Variants in RANBP2 observed in about 807,000 individuals in gnomAD.
RANBP2 encodes RAN binding protein 2.
A neutral mutation model predicts 303.6 loss-of-function variants in RANBP2; 57 were observed. The observed-to-expected ratio is 0.19, with a 90% CI of 0.15 to 0.23. The LOEUF (loss-of-function observed/expected upper bound fraction) is 0.23, where lower values mean the gene tolerates loss of function less well. Ranked by LOEUF, RANBP2 falls within the 10% of genes least tolerant of loss-of-function variation. RANBP2 has a pLI of 1.00. For missense variants in RANBP2, 3,138 were observed against 3,780.8 expected (o/e 0.83, Z 4.46); for synonymous variants, 1,167 against 1,301.5 (o/e 0.90, Z 2.23).
chr2:108,886,298 G>T, the RANBP2 span, among the ~76,000 whole-genome samples: 2 of 152,142 alleles, frequency 1.3e-5, no homozygotes, highest in Non-Finnish European at 2.9e-5. Flanking sequence ...TCTGACTGGG[G>T]TAAGATGATA....
intron 25 of RANBP2, among the ~76,000 whole-genome samples, chr2:108,777,449 A>G (rs1473209235): frequency 1.3e-5 from 2 of 152,168 alleles, no homozygotes; most frequent in Non-Finnish European, 2.9e-5. Context: ...CCATGCTGAT[A>G]GTCCTCCCCA....
chr2:109,324,946 A>T, the RANBP2 span, among the ~76,000 whole-genome samples: 1 of 152,208 alleles, frequency 6.6e-6, no homozygotes, highest in East Asian at 1.9e-4. Context: ...TACAGTAATG[A>T]CTAGTATAGA....
chr2:109,419,581 C>G, the RANBP2 span: 2 of 1,597,466 alleles, frequency 1.3e-6, no homozygotes. Context: ...GGCTGTCCCA[C>G]GGGCTGCCTC....
chr2:108,733,677 C>T (rs1246536050), intron 4 of RANBP2, among the ~76,000 whole-genome samples: 1 of 152,184 alleles, frequency 6.6e-6, no homozygotes, highest in Non-Finnish European at 1.5e-5. Flanking sequence ...TCAAACATAA[C>T]TCCCATATTG....
At chr2:109,440,799 C>A in the RANBP2 span, among the ~76,000 whole-genome samples, 23 of 152,240 alleles carry the variant, frequency 1.5e-4, no homozygotes, top group African/African-American at 5.5e-4. Context: ...GCAGAGCACG[C>A]CCTGAGATCT....
chr2:108,939,845 C>G, the RANBP2 span, among the ~76,000 whole-genome samples: 1 of 152,160 alleles, frequency 6.6e-6, no homozygotes, highest in South Asian at 2.1e-4. Context: ...CCCTGCCTCC[C>G]CCAGACCCAG....
the RANBP2 span, among the ~76,000 whole-genome samples, chr2:108,889,414 G>A: frequency 6.6e-6 from 1 of 152,010 alleles, no homozygotes; most frequent in South Asian, 2.1e-4. Flanking sequence ...TTATTGTATT[G>A]CATCTATCTC....
intron 25 of RANBP2, among the ~76,000 whole-genome samples, chr2:108,778,620 G>T (rs1196860429): frequency 4.6e-5 from 7 of 152,174 alleles, no homozygotes; most frequent in Non-Finnish European, 1.0e-4. Context: ...TGTGTTCCCA[G>T]GGTAGAGAAC....
At chr2:109,276,898 A>G in the RANBP2 span, among the ~76,000 whole-genome samples, 1 of 152,146 alleles carries the variant, frequency 6.6e-6, no homozygotes, top group Non-Finnish European at 1.5e-5. Context: ...TGAGATTAAG[A>G]GAGTAGAGAT....
the RANBP2 span, among the ~76,000 whole-genome samples, chr2:108,950,337 A>C: frequency 6.6e-6 from 1 of 151,474 alleles, no homozygotes; most frequent in Non-Finnish European, 1.5e-5. Flanking sequence ...TGCAGCATCA[A>C]ATTTTTGGGC....
At chr2:109,075,111 A>G in the RANBP2 span, among the ~76,000 whole-genome samples, 12 of 149,882 alleles carry the variant, frequency 8.0e-5, 1 homozygote, top group Non-Finnish European at 1.6e-4. Context: ...AGGAACTAGA[A>G]AAGGAACAAA....
chr2:109,055,912 A>G, the RANBP2 span, among the ~76,000 whole-genome samples: 1 of 149,376 alleles, frequency 6.7e-6, no homozygotes, highest in Admixed American at 6.7e-5. Context: ...GGTACCCCCC[A>G]GCACGCCCAG....
chr2:109,078,123 G>GTATATA, the RANBP2 span, among the ~76,000 whole-genome samples: 89 of 45,400 alleles, frequency 2.0e-3, 3 homozygotes, highest in African/African-American at 4.4e-3. Flanking sequence ...TATATAGCGT[G>GTATATA]TATATATATA....
At chr2:109,292,379 T>A in the RANBP2 span, among the ~76,000 whole-genome samples, 4 of 152,242 alleles carry the variant, frequency 2.6e-5, no homozygotes, top group Non-Finnish European at 5.9e-5. Context: ...CATGAAGTTT[T>A]GTATCCTGGT....
chr2:109,494,303 T>G, the RANBP2 span, among the ~76,000 whole-genome samples: 31 of 152,216 alleles, frequency 2.0e-4, no homozygotes, highest in African/African-American at 7.5e-4. Context: ...TGGTGGCTCC[T>G]TGCACCCAAG....
chr2:109,138,766 CT>C, the RANBP2 span, among the ~76,000 whole-genome samples: 30 of 152,236 alleles, frequency 2.0e-4, no homozygotes, highest in African/African-American at 7.0e-4. Flanking sequence ...TGTGTGAGTG[CT>C]GCTCTTGAAG....
chr2:109,151,814 C>T, the RANBP2 span, among the ~76,000 whole-genome samples: 1 of 152,230 alleles, frequency 6.6e-6, no homozygotes. Flanking sequence ...AGATTTGCAT[C>T]TGCAAATTGT....
chr2:109,006,134 G>A, the RANBP2 span, among the ~76,000 whole-genome samples: 1 of 152,146 alleles, frequency 6.6e-6, no homozygotes, highest in Non-Finnish European at 1.5e-5. Context: ...GAACGCGTGT[G>A]GAGTGACGCT....
chr2:109,078,654 G>A, the RANBP2 span, among the ~76,000 whole-genome samples: 1 of 150,354 alleles, frequency 6.7e-6, no homozygotes, highest in East Asian at 1.9e-4. Context: ...TTTGCTAAGA[G>A]AGCAGATCCT....
Sources: allele counts gnomAD v4.1 joint callset (sites outside exome capture counted in the v4.1 genomes callset), GRCh38; gene constraint gnomAD v4.1.1; transcripts MANE v1.5; gene names NCBI Gene and HGNC (gene_info 2026-07-23, HGNC 2026-07-21).